FRMD4A: variants seen among roughly 807,000 people sequenced by gnomAD.
FRMD4A encodes FERM domain-containing protein 4A.
In FRMD4A, 29 loss-of-function variants were observed where a neutral mutation model predicts 129.1. That is an observed-to-expected ratio of 0.22 (90% confidence interval 0.17 to 0.31). The LOEUF (loss-of-function observed/expected upper bound fraction) is 0.31. Ranked by LOEUF, FRMD4A falls within the 10% of genes least tolerant of loss-of-function variation. The pLI, the probability that FRMD4A is intolerant of heterozygous loss-of-function variation, is 1.00. For synonymous variants in FRMD4A, 634 were observed against 571.6 expected, an observed-to-expected ratio of 1.11 and a Z score of -1.56; for missense variants, 1,272 against 1,375.8, an observed-to-expected ratio of 0.92 and a Z score of 1.19.
chr10:13,717,724 G>A (rs1054404177), intron 12 of FRMD4A, among the ~76,000 whole-genome samples: 1 of 149,392 alleles, frequency 6.7e-6, no homozygotes, highest in Non-Finnish European at 1.5e-5. Flanking sequence ...GGGGTGGCGG[G>A]GGGGGTTGGC....
intron 2 of FRMD4A, among the ~76,000 whole-genome samples, chr10:14,233,399 A>G (rs1050143818): frequency 1.2e-4 from 13 of 112,870 alleles, no homozygotes; most frequent in African/African-American, 4.3e-4. Flanking sequence ...GTGAAACCCC[A>G]TCTGTACTAA....
chr10:13,966,104 C>T (rs575331471), intron 2 of FRMD4A, among the ~76,000 whole-genome samples: 6 of 151,992 alleles, frequency 3.9e-5, no homozygotes, highest in South Asian at 2.1e-4. Flanking sequence ...CTCGAACTCC[C>T]GACCTCCCGG....
chr10:13,777,342 A>AT (rs1417899574), intron 6 of FRMD4A, among the ~76,000 whole-genome samples: 2 of 149,992 alleles, frequency 1.3e-5, no homozygotes, highest in African/African-American at 4.9e-5. Flanking sequence ...TAGTATATAT[A>AT]AAAAATTTAA....
At chr10:14,088,049 C>T (rs1836399433) in intron 2 of FRMD4A, among the ~76,000 whole-genome samples, 1 of 152,100 alleles carries the variant, frequency 6.6e-6, no homozygotes, top group African/African-American at 2.4e-5. Flanking sequence ...CTAACAGAGC[C>T]TACTTTACTT....
intron 2 of FRMD4A, among the ~76,000 whole-genome samples, chr10:14,164,230 C>T (rs1056905305): frequency 2.0e-5 from 3 of 152,218 alleles, no homozygotes; most frequent in Non-Finnish European, 4.4e-5. Flanking sequence ...TTTGCCCAAG[C>T]CTCATCTTCA....
intron 2 of FRMD4A, among the ~76,000 whole-genome samples, chr10:13,946,102 G>C (rs2095329462): frequency 2.0e-5 from 3 of 152,184 alleles, no homozygotes; most frequent in Admixed American, 2.0e-4. Context: ...GGATCAAAAG[G>C]GGGACAATCA....
chr10:13,966,597 CG>C (rs1448584746), intron 2 of FRMD4A, among the ~76,000 whole-genome samples: 2 of 152,170 alleles, frequency 1.3e-5, no homozygotes, highest in African/African-American at 2.4e-5. Flanking sequence ...GATGGAAACC[CG>C]GGTGGGACAG....
intron 2 of FRMD4A, among the ~76,000 whole-genome samples, chr10:14,216,416 A>C (rs1414936099): frequency 6.6e-6 from 1 of 152,168 alleles, no homozygotes; most frequent in Non-Finnish European, 1.5e-5. Flanking sequence ...CATGCCTGTA[A>C]TCTCAATTCT....
At chr10:14,273,728 T>G (rs971555921) in intron 2 of FRMD4A, among the ~76,000 whole-genome samples, 7 of 152,184 alleles carry the variant, frequency 4.6e-5, no homozygotes, top group Non-Finnish European at 8.8e-5. Context: ...TCCAGGGTTC[T>G]TGTTTGCAAT....
intron 8 of FRMD4A, among the ~76,000 whole-genome samples, chr10:13,760,289 T>G (rs1276672634): frequency 6.6e-5 from 10 of 150,476 alleles, no homozygotes; most frequent in Non-Finnish European, 1.2e-4. Flanking sequence ...TGTAAAATAA[T>G]TTTTTGCTTT....
At chr10:14,018,204 T>C (rs1345335660) in intron 2 of FRMD4A, among the ~76,000 whole-genome samples, 1 of 151,216 alleles carries the variant, frequency 6.6e-6, no homozygotes, top group African/African-American at 2.4e-5. Context: ...CCCAGCACTT[T>C]GGAAGGCCGA....
chr10:14,189,554 A>G (rs572733334), intron 2 of FRMD4A, among the ~76,000 whole-genome samples: 6 of 152,334 alleles, frequency 3.9e-5, no homozygotes, highest in African/African-American at 9.6e-5. Flanking sequence ...AGCCTGGGCA[A>G]CAAGAGTGAA....
At chr10:13,749,393 A>C (rs2091455577) in intron 8 of FRMD4A, among the ~76,000 whole-genome samples, 1 of 152,212 alleles carries the variant, frequency 6.6e-6, no homozygotes, top group South Asian at 2.1e-4. Context: ...GCAATGAAAC[A>C]AGGTATAACT....
At chr10:14,128,613 A>T (rs1564320900) in intron 2 of FRMD4A, among the ~76,000 whole-genome samples, 1 of 152,204 alleles carries the variant, frequency 6.6e-6, no homozygotes, top group Non-Finnish European at 1.5e-5. Context: ...TACCTGAGCA[A>T]ATCTAAGATC....
chr10:14,134,112 T>C (rs912161347), intron 2 of FRMD4A, among the ~76,000 whole-genome samples: 4 of 152,232 alleles, frequency 2.6e-5, no homozygotes, highest in African/African-American at 9.7e-5. Context: ...TTCTGGTAAA[T>C]AGTCTTGTGG....
intron 15 of FRMD4A, among the ~76,000 whole-genome samples, chr10:13,688,565 T>C (rs1564614800): frequency 2.0e-5 from 3 of 152,142 alleles, no homozygotes; most frequent in East Asian, 3.9e-4. Flanking sequence ...TTAAAAAATT[T>C]ACTATTAAAA....
chr10:13,773,931 T>G (rs2092530064), intron 6 of FRMD4A, among the ~76,000 whole-genome samples: 1 of 152,222 alleles, frequency 6.6e-6, no homozygotes, highest in African/African-American at 2.4e-5. Context: ...GGGAAAGCTG[T>G]GCCGTCTTAT....
intron 2 of FRMD4A, among the ~76,000 whole-genome samples, chr10:14,065,178 T>C (rs1252898162): frequency 2.0e-5 from 3 of 151,272 alleles, no homozygotes; most frequent in Non-Finnish European, 4.4e-5. Context: ...TCATTGGGAC[T>C]TTTTTTTTCC....
intron 15 of FRMD4A, among the ~76,000 whole-genome samples, chr10:13,677,128 G>A (rs2084075308): frequency 6.6e-6 from 1 of 152,118 alleles, no homozygotes; most frequent in Admixed American, 6.5e-5. Context: ...AGAAAACCCT[G>A]CATTCCATCA....
Sources: gnomAD v4.1 joint callset for allele counts (sites outside exome capture counted in the v4.1 genomes callset) on GRCh38, gnomAD v4.1.1 for gene constraint, MANE v1.5 for transcripts, NCBI Gene and HGNC (gene_info 2026-07-23, HGNC 2026-07-21) for gene names.